The following DNAJC10 variants were observed in gnomAD, a reference collection of about 807,000 sequenced individuals.
The protein encoded by DNAJC10 is endoplasmic reticulum disulfide reductase DNAJC10.
In DNAJC10, 101 loss-of-function variants were observed where a neutral mutation model predicts 115.0. That is an observed-to-expected ratio of 0.88 (90% CI 0.75 to 1.04). The LOEUF is 1.04. DNAJC10 is among the 50% of genes least tolerant of loss of function. DNAJC10 has a pLI of 0.00. For missense variants in DNAJC10, 981 were observed against 928.8 expected (o/e 1.06, Z -0.73); for synonymous variants, 307 against 301.5 (o/e 1.02, Z -0.19).
At chr2:182,759,332 G>A in intron 21 of DNAJC10, 25 bp downstream of exon 21, 1 of 1,579,670 alleles carries the variant, frequency 6.3e-7, no homozygotes. Context: ...TCTTAAATAA[G>A]TTGTAGCCAC....
Position 182,791,231 on chromosome 2 carries a change from C to T in DNAJC10, c.*14099C>T, listed in dbSNP as rs942368324. The T allele has an allele frequency of 6.6e-6, 1 of 152,042 alleles. No homozygotes were observed. The highest frequency in any genetic ancestry group is 2.4e-5 in the African/African-American group (1 of 41,394). 9.4% of individuals were successfully genotyped at this position (152,042 alleles called of 1,614,324 possible). On this transcript the variant is annotated 3_prime_UTR_variant, in exon 24 of 24. Coordinates refer to ENST00000264065, the MANE Select transcript of DNAJC10 (RefSeq NM_018981.4). ...TAACTCTAGAGCTTAGTTTTCAGTC[C>T]TCCTGAATCATAACTAGTTGGCAAC...
At position 182,781,048 on chromosome 2, in the gene DNAJC10, A is replaced by G. The variant is rs1694833474; in HGVS notation, c.*3916A>G. 6.6e-6 allele frequency: 1 copy of G among 151,948 alleles called. No individual in the cohort carries two copies. Among genetic ancestry groups the G allele is most frequent in the Non-Finnish European group, 1.5e-5 (1 of 68,008 alleles). 9.4% of individuals were successfully genotyped at this position (151,948 alleles called of 1,614,324 possible). On this transcript the variant is annotated 3_prime_UTR_variant, in exon 24 of 24. Transcript: ENST00000264065. ...TTTGTTACATAGGTATACATGTGCCATGGTGGTTTGCTGCACCCATCAACC... is the reference window on the plus strand; with the variant it reads ...TTTGTTACATAGGTATACATGTGCCGTGGTGGTTTGCTGCACCCATCAACC...
At position 182,717,993 on chromosome 2, in the gene DNAJC10, G is replaced by T; in HGVS notation, c.-94G>T. The T allele has an allele frequency of 1.2e-6, 1 of 835,854 alleles. No individual in the cohort carries two copies. The highest frequency in any genetic ancestry group is 1.8e-6 in the Non-Finnish European group (1 of 547,280). 51.8% of individuals were successfully genotyped at this position (835,854 alleles called of 1,614,324 possible). ...ATGCTTGATTCACCCTTGAAGTAAT[G>T]TAGACAGAAGTTCTCAAATTTGCAT... On this transcript the variant is annotated 5_prime_UTR_variant, in exon 3 of 24. It removes an upstream start codon present in the reference 5' UTR. Coordinates refer to ENST00000264065, the MANE Select transcript of DNAJC10 (RefSeq NM_018981.4).
Position 182,786,566 on chromosome 2 carries a change from T to C in DNAJC10, c.*9434T>C, listed in dbSNP as rs1327483593. 6.6e-6 allele frequency: 1 copy of C among 152,154 alleles called. No homozygotes were observed. Among genetic ancestry groups the C allele is most frequent in the African/African-American group, 2.4e-5 (1 of 41,446 alleles). 9.4% of individuals were successfully genotyped at this position (152,154 alleles called of 1,614,324 possible). On this transcript the variant is annotated 3_prime_UTR_variant, in exon 24 of 24. Transcript: ENST00000264065. ...CACAGGGTACACCATCTTCCTAAGG[T>C]GTGACCTCCTGTTCCCAAAGGAATA...
intron 22 of DNAJC10, among the ~76,000 whole-genome samples, chr2:182,772,218 T>G (rs1294963758): frequency 6.6e-6 from 1 of 152,236 alleles, no homozygotes; most frequent in African/African-American, 2.4e-5. Flanking sequence ...TTACATTTGC[T>G]GAGGAGTGTT....
At chr2:182,733,497 G>A (rs1693503443) in intron 10 of DNAJC10, among the ~76,000 whole-genome samples, 1 of 151,686 alleles carries the variant, frequency 6.6e-6, no homozygotes, top group Non-Finnish European at 1.5e-5. Context: ...GGTGAGGACT[G>A]AGCATTAGTA....
chr2:182,734,263 A>G (rs761091239), intron 10 of DNAJC10, among the ~76,000 whole-genome samples: 1 of 151,322 alleles, frequency 6.6e-6, no homozygotes, highest in Non-Finnish European at 1.5e-5. Context: ...CTTTAGATAC[A>G]TCTTCTATTT....
At chr2:182,747,807 C>T (rs1182686283) in intron 14 of DNAJC10, among the ~76,000 whole-genome samples, 2 of 145,648 alleles carry the variant, frequency 1.4e-5, no homozygotes, top group Non-Finnish European at 3.0e-5. Flanking sequence ...TGTCTTGTGC[C>T]AGTTTTCAAA....
rs1694679605 is a variant in DNAJC10 at position 182,775,387 on chromosome 2, G to A, written c.2337G>A (p.Leu779=). 2.5e-6 allele frequency: 4 copies of A among 1,612,806 alleles called. No individual in the cohort carries two copies. The Admixed American group carries it at 5.0e-5, about 20-fold the overall frequency. The change falls in exon 23 of 24, where the codon TTG becomes TTA. Residue 779 remains leucine (L), a synonymous_variant. Transcript: ENST00000264065. ...TCGCTGCCTTAATAAGTGAAAAATT[G>A]GAAACTCTCCGAAATCAAGGCAAGA... ...KAIAALISEK[L]ETLRNQGKRN...
intron 18 of DNAJC10, among the ~76,000 whole-genome samples, chr2:182,756,929 G>T (rs995582386): frequency 6.6e-6 from 1 of 152,186 alleles, no homozygotes; most frequent in African/African-American, 2.4e-5. Flanking sequence ...ATGAGCCTCC[G>T]TGCCCAGTAT....
chr2:182,734,355 C>G (rs563790852), intron 10 of DNAJC10, among the ~76,000 whole-genome samples: 5 of 151,222 alleles, frequency 3.3e-5, no homozygotes, highest in East Asian at 3.9e-4. Context: ...ATCACAGATT[C>G]TATATTTTTT....
At chr2:182,754,910 T>G (rs1432105475) in intron 16 of DNAJC10, 93 bp from the exon 17 acceptor site, 3 of 1,295,680 alleles carry the variant, frequency 2.3e-6, no homozygotes, top group Non-Finnish European at 3.2e-6. Flanking sequence ...TTTTAAAATC[T>G]TGTTCTTGTT....
chr2:182,741,256 A>C lies in DNAJC10; in HGVS notation c.1091A>C (p.His364Pro). 1 of 1,603,770 alleles carries C rather than the reference A, an allele frequency of 6.2e-7. No homozygotes were observed. ...ATCACTTTTAAGGATCGTTTGGCTC[A>C]TCATCGGTGGCTGTTATTTTTTCAT... is the stretch of plus-strand genomic sequence containing the variant. ...SANTLEDRLA[H>P]HRWLLFFHFG... is the part of the protein sequence containing the mutation. The change falls in exon 13 of 24, where the codon CAT becomes CCT. Residue 364 changes from histidine to proline, a missense_variant. Coordinates refer to ENST00000264065, the MANE Select transcript of DNAJC10 (RefSeq NM_018981.4).
rs904458401 is a variant in DNAJC10 at position 182,793,045 on chromosome 2, A to T, written c.*15913A>T. 28 of 152,404 alleles carry T rather than the reference A, an allele frequency of 1.8e-4. No homozygotes were observed. The highest frequency in any genetic ancestry group is 6.5e-4 in the African/African-American group (27 of 41,426). The allele number at this position is 152,404 out of a possible 1,614,324, so 9.4% of individuals were successfully genotyped here. ...AGCAGCAGGAGAGTTTCGGTATTAA[A>T]TAGGGTGGACAGGGCAGGTCTCTTG... On this transcript the variant is annotated 3_prime_UTR_variant, in exon 24 of 24. Coordinates refer to ENST00000264065, the MANE Select transcript of DNAJC10 (RefSeq NM_018981.4).
In DNAJC10 at chr2:182,740,430, G is replaced by A. The variant is rs556374042; in HGVS notation, c.1077+42G>A. 79 of 1,518,174 alleles carry A rather than the reference G, an allele frequency of 5.2e-5. 1 individual carries two copies. The highest frequency in any genetic ancestry group is 3.4e-4 in the Middle Eastern group (2 of 5,848). The allele number at this position is 1,518,174 out of a possible 1,614,324, so 94.0% of individuals were successfully genotyped here. ...TAATGATAAGTAGCAATGAATGTTC[G>A]TAACATTTCAGGTCTTAACATTTTA... On this transcript the variant is annotated intron_variant, in intron 12 of 23. Coordinates refer to ENST00000264065, the MANE Select transcript of DNAJC10 (RefSeq NM_018981.4).
At chr2:182,731,908 C>T (rs1042363415) in intron 9 of DNAJC10, among the ~76,000 whole-genome samples, 9 of 152,146 alleles carry the variant, frequency 5.9e-5, no homozygotes, top group South Asian at 2.1e-4. Flanking sequence ...AATTTCTGTT[C>T]ATCCACACAT....
At chr2:182,748,228 G>A (rs1286130369) in intron 14 of DNAJC10, among the ~76,000 whole-genome samples, 20 of 151,622 alleles carry the variant, frequency 1.3e-4, no homozygotes, top group African/African-American at 4.6e-4. Context: ...TTGGTATCAG[G>A]ATGATGCTGG....
intron 22 of DNAJC10, among the ~76,000 whole-genome samples, chr2:182,773,927 T>C (rs897354491): frequency 6.6e-6 from 1 of 152,190 alleles, no homozygotes; most frequent in Non-Finnish European, 1.5e-5. Context: ...TTTTTAGAAT[T>C]TTTAGCTTTT....
Position 182,752,185 on chromosome 2 carries a change from C to A in DNAJC10, c.1548C>A (p.Asn516Lys), listed in dbSNP as rs1174129726. 3.4e-6 allele frequency: 5 copies of A among 1,454,972 alleles called. No individual in the cohort carries two copies. The highest frequency in any genetic ancestry group is 1.5e-5 in the South Asian group (1 of 66,274). The allele number at this position is 1,454,972 out of a possible 1,614,324, so 90.1% of individuals were successfully genotyped here. A position where few individuals can be genotyped will look rare whatever the true frequency, so the allele number is the denominator to read the frequency against. ...LDCTVHEGLCNMYNIQAYPTT... is the reference protein window; with the variant it reads ...LDCTVHEGLCKMYNIQAYPTT... ...GTACAGTTCATGAGGGACTCTGTAA[C>A]ATGGTAAGGCAAAGTATCAAAAATT... Residue 516 changes from asparagine (N) to lysine (K), a missense_variant, in exon 16 of 24, where the codon AAC becomes AAA. Transcript: ENST00000264065.
Sources: allele counts gnomAD v4.1 joint callset (sites outside exome capture counted in the v4.1 genomes callset), GRCh38; gene constraint gnomAD v4.1.1; transcripts MANE v1.5; gene names NCBI Gene and HGNC (gene_info 2026-07-23, HGNC 2026-07-21).